The following DUX4 variants were observed in gnomAD, a reference collection of about 807,000 sequenced individuals.
The protein encoded by DUX4 is double homeobox protein 4.
intron 1 of DUX4, among the ~76,000 whole-genome samples, chr4:190,182,343 A>G: frequency 1.1e-5 from 1 of 89,478 alleles, no homozygotes; most frequent in Admixed American, 1.5e-4. Context: ...GTTCAGGTTC[A>G]AGTTTGGATT....
chr4:190,175,573 C>T lies in DUX4; in HGVS notation c.*237-74C>T, dbSNP rs1212974098. On this transcript the variant is annotated intron_variant, in intron 1 of 1. Coordinates refer to ENST00000565211, the MANE Select transcript of DUX4 (RefSeq NM_001306068.3). ...GCCCGCCCGCCCGGGCCCCTGCAGC[C>T]TCCCAGCTGCCAGCACGGAGCGCCT... 2.3e-5 allele frequency: 4 copies of T among 171,874 alleles called. 2 individuals are homozygous for T. Among genetic ancestry groups the T allele is most frequent in the Non-Finnish European group, 2.2e-5 (2 of 90,118 alleles). The allele number at this position is 171,874 out of a possible 1,614,324, so 10.6% of individuals were successfully genotyped here. A position where few individuals can be genotyped will look rare whatever the true frequency, so the allele number is the denominator to read the frequency against.
At chr4:190,180,129 G>C (rs1289530823), downstream of DUX4, among the ~76,000 whole-genome samples, 1 of 22,690 alleles carries the variant, frequency 4.4e-5, no homozygotes, top group African/African-American at 1.7e-4. Context: ...AATGCCGCCA[G>C]TAGGCAGAGC....
At position 190,175,214 on chromosome 4, in the gene DUX4, CCA is replaced by C. The variant is rs1742212623; in HGVS notation, c.*168_*169del. 1.8e-3 allele frequency: 266 copies of C among 148,524 alleles called. No individual in the cohort carries two copies. The highest frequency in any genetic ancestry group is 7.6e-3 in the African/African-American group (257 of 33,836). 9.2% of individuals were successfully genotyped at this position (148,524 alleles called of 1,614,324 possible). A position where few individuals can be genotyped will look rare whatever the true frequency, so the allele number is the denominator to read the frequency against. On this transcript the variant is annotated 3_prime_UTR_variant, in exon 1 of 2. Coordinates refer to ENST00000565211, the MANE Select transcript of DUX4 (RefSeq NM_001306068.3). ...CTAGGTCTAGGCCCGGTGAGAGACT[CCA>C]CTCCGCGGAGAACTGCCTTTCTTTC...
intron 1 of DUX4, 71 bp from the exon 2 acceptor site, chr4:190,175,576 C>A (rs1234739162): frequency 0.014 from 2,344 of 167,128 alleles, 466 homozygotes; most frequent in South Asian, 0.029. Context: ...CTGCAGCCTC[C>A]CAGCTGCCAG....
At chr4:190,177,977 C>G (rs1742397278), downstream of DUX4, among the ~76,000 whole-genome samples, 279 of 147,050 alleles carry the variant, frequency 1.9e-3, no homozygotes, top group East Asian at 6.1e-3. Flanking sequence ...AGTTACATCA[C>G]CTGGGTGATC....
chr4:190,176,227 A>T (rs1452568384), downstream of DUX4, among the ~76,000 whole-genome samples: 1 of 113,630 alleles, frequency 8.8e-6, no homozygotes, highest in African/African-American at 2.6e-5. Flanking sequence ...AATATATATC[A>T]CAAAGCCCCC....
downstream of DUX4, among the ~76,000 whole-genome samples, chr4:190,176,911 C>T (rs1338866465): frequency 2.5e-4 from 28 of 113,164 alleles, 2 homozygotes; most frequent in Non-Finnish European, 5.1e-4. Flanking sequence ...TGATATGTCA[C>T]AAAAATCCCT....
downstream of DUX4, among the ~76,000 whole-genome samples, chr4:190,176,068 G>A (rs1388035434): frequency 1.2e-4 from 14 of 112,022 alleles, 2 homozygotes; most frequent in Admixed American, 3.3e-4. Context: ...ACATCACCTA[G>A]TGATCAGTGC....
At chr4:190,176,336 A>T (rs1322256418), downstream of DUX4, among the ~76,000 whole-genome samples, 1 of 113,252 alleles carries the variant, frequency 8.8e-6, no homozygotes, top group African/African-American at 2.6e-5. Flanking sequence ...GTGTTACATC[A>T]CCTGGGTGAT....
At chr4:190,181,631 C>CAAATA (rs1742587071) in intron 1 of DUX4, among the ~76,000 whole-genome samples, 123 of 5,908 alleles carry the variant, frequency 0.021, no homozygotes, top group Non-Finnish European at 0.028. Flanking sequence ...GTCAGAAAGC[C>CAAATA]CCCTGTAGGC....
chr4:190,183,650 C>T (rs1360479179), intron 1 of DUX4, among the ~76,000 whole-genome samples: 1 of 110,684 alleles, frequency 9.0e-6, no homozygotes, highest in African/African-American at 2.7e-5. Context: ...GAATACTGAA[C>T]ACAGAAATGA....
At chr4:190,177,209 AGATGAGT>A (rs1742352089), downstream of DUX4, among the ~76,000 whole-genome samples, 2 of 123,994 alleles carry the variant, frequency 1.6e-5, no homozygotes, top group Admixed American at 8.5e-5. Flanking sequence ...GGCAGAGCCT[AGATGAGT>A]GTTACATCAC....
At chr4:190,182,936 G>T (rs1270564590) in intron 1 of DUX4, among the ~76,000 whole-genome samples, 1 of 33,142 alleles carries the variant, frequency 3.0e-5, no homozygotes, top group Non-Finnish European at 8.7e-5. Context: ...TTAGGCTTAG[G>T]GTTAGGCTTA....
Position 190,175,676 on chromosome 4 carries a change from G to C in DUX4, c.*266G>C, listed in dbSNP as rs1353359085. ...GCGCGCAGTGCGCACCCCGGCTGAC[G>C]TGCAAGGGAGCTCGCTGGCCTCTCT... On this transcript the variant is annotated 3_prime_UTR_variant, in exon 2 of 2. Coordinates refer to ENST00000565211, the MANE Select transcript of DUX4 (RefSeq NM_001306068.3). 1.8e-5 allele frequency: 3 copies of C among 164,108 alleles called. 1 individual carries two copies. The highest frequency in any genetic ancestry group is 3.5e-5 in the Non-Finnish European group (3 of 86,268). The allele number at this position is 164,108 out of a possible 1,614,324, so 10.2% of individuals were successfully genotyped here.
downstream of DUX4, among the ~76,000 whole-genome samples, chr4:190,179,469 G>GCCAAT (rs1742495868): frequency 4.0e-4 from 4 of 9,994 alleles, no homozygotes; most frequent in African/African-American, 8.8e-4. Context: ...TCCTAGAGAA[G>GCCAAT]AGTTATATCA....
downstream of DUX4, chr4:190,175,987 G>C (rs1742286375): frequency 1.8e-5 from 2 of 109,146 alleles, 1 homozygote; most frequent in Non-Finnish European, 4.3e-5. Context: ...CTAGAGAATG[G>C]TTACATCACT....
intron 1 of DUX4, among the ~76,000 whole-genome samples, chr4:190,183,916 C>T (rs1382662135): frequency 8.3e-6 from 1 of 120,606 alleles, no homozygotes; most frequent in African/African-American, 2.6e-5. Flanking sequence ...CAGTGACTCA[C>T]TCAAGCTTAG....
At chr4:190,175,496 G>A (rs1742241413) in intron 1 of DUX4, among the ~76,000 whole-genome samples, 151 bp from the exon 2 acceptor site, 6 of 78,908 alleles carry the variant, frequency 7.6e-5, no homozygotes, top group African/African-American at 1.9e-4. Flanking sequence ...GCAGCGTCCG[G>A]GCCTGACACC....
At chr4:190,181,303 A>AGATATGTCACAAT (rs1742563137) in intron 1 of DUX4, among the ~76,000 whole-genome samples, 3 of 134,346 alleles carry the variant, frequency 2.2e-5, no homozygotes, top group Non-Finnish European at 3.2e-5. Flanking sequence ...CAGTAGGCAG[A>AGATATGTCACAAT]GCCTAAAGAA....
Sources: allele counts gnomAD v4.1 joint callset (sites outside exome capture counted in the v4.1 genomes callset), GRCh38; gene constraint gnomAD v4.1.1; transcripts MANE v1.5; gene names NCBI Gene and HGNC (gene_info 2026-07-23, HGNC 2026-07-21).